CLIC5: variants seen among roughly 807,000 people sequenced by gnomAD.
CLIC5 encodes the protein chloride intracellular channel protein 5.
A neutral mutation model predicts 24.7 loss-of-function variants in CLIC5; 20 were observed. That is an observed-to-expected ratio of 0.81 (90% CI 0.57 to 1.18). The LOEUF (loss-of-function observed/expected upper bound fraction) is 1.18. Among genes scored for constraint, CLIC5 ranks in the 50% most tolerant of loss-of-function variants. CLIC5 has a pLI of 0.00. For missense variants in CLIC5, 341 were observed against 326.1 expected (o/e 1.05, Z -0.35); for synonymous variants, 159 against 135.6 (o/e 1.17, Z -1.20).
chr6:46,117,209 A>C, the CLIC5 span, among the ~76,000 whole-genome samples: 1 of 152,074 alleles, frequency 6.6e-6, no homozygotes, highest in South Asian at 2.1e-4. Context: ...GTACTCCACC[A>C]TGTAACACAC....
intron 1 of CLIC5, among the ~76,000 whole-genome samples, chr6:45,979,994 C>A (rs1443700345): frequency 9.7e-6 from 1 of 102,732 alleles, no homozygotes; most frequent in African/African-American, 3.9e-5. Context: ...TCTAGAATGG[C>A]ATTTCCTAGG....
the CLIC5 span, among the ~76,000 whole-genome samples, chr6:46,096,683 C>T: frequency 6.6e-6 from 1 of 152,198 alleles, no homozygotes; most frequent in Non-Finnish European, 1.5e-5. Flanking sequence ...GCTTCTGGTC[C>T]TGCCTTGAGT....
the CLIC5 span, among the ~76,000 whole-genome samples, chr6:46,119,745 C>A: frequency 1.5e-4 from 23 of 152,344 alleles, no homozygotes; most frequent in African/African-American, 5.3e-4. Context: ...TAATACTGCA[C>A]TTTTCTAATG....
intron 1 of CLIC5, among the ~76,000 whole-genome samples, chr6:46,031,860 T>TAC (rs1325567438): frequency 6.8e-6 from 1 of 147,578 alleles, no homozygotes; most frequent in East Asian, 2.0e-4. Flanking sequence ...AATATATATA[T>TAC]ACACATATAT....
intron 1 of CLIC5, among the ~76,000 whole-genome samples, chr6:46,025,093 G>A (rs1313287709): frequency 2.0e-5 from 3 of 151,956 alleles, no homozygotes; most frequent in Non-Finnish European, 4.4e-5. Flanking sequence ...GCACTAGACT[G>A]AGATCCAGAA....
intron 1 of CLIC5, among the ~76,000 whole-genome samples, chr6:46,025,992 T>C (rs1767321361): frequency 6.6e-6 from 1 of 152,176 alleles, no homozygotes; most frequent in Non-Finnish European, 1.5e-5. Flanking sequence ...CAATTAAACC[T>C]CTTTTCTTTA....
At position 45,899,783 on chromosome 6, in the gene CLIC5, A is replaced by G. The variant is rs1762463356; in HGVS notation, c.*3305T>C. The G allele has an allele frequency of 6.6e-6, 1 of 152,192 alleles. No homozygotes were observed. The highest frequency in any genetic ancestry group is 1.5e-5 in the Non-Finnish European group (1 of 68,050). 9.4% of individuals were successfully genotyped at this position (152,192 alleles called of 1,614,324 possible). A position where few individuals can be genotyped will look rare whatever the true frequency, so the allele number is the denominator to read the frequency against. On this transcript the variant is annotated 3_prime_UTR_variant, in exon 6 of 6. Transcript: ENST00000339561. ...CTTGGTGTGGCCTTTTTCTGATAAG[A>G]TCAAGACTTCACTGGCCCCACCAGC...
intron 1 of CLIC5, among the ~76,000 whole-genome samples, chr6:45,988,352 A>T (rs1765813708): frequency 6.6e-6 from 1 of 152,192 alleles, no homozygotes; most frequent in Non-Finnish European, 1.5e-5. Context: ...TTCTGCCCCC[A>T]TGACTCTGCC....
chr6:45,991,582 T>A (rs573583273), intron 1 of CLIC5, among the ~76,000 whole-genome samples: 13 of 152,344 alleles, frequency 8.5e-5, no homozygotes, highest in African/African-American at 3.1e-4. Context: ...ACTGCTAAAT[T>A]TGTGGTAAGT....
chr6:45,913,831 T>C (rs1762909506), intron 5 of CLIC5: 3 of 1,230,962 alleles, frequency 2.4e-6, no homozygotes. Flanking sequence ...AAAGAAAAAA[T>C]GCATATGAGG....
At chr6:45,894,693 G>A (rs555017739), downstream of CLIC5, among the ~76,000 whole-genome samples, 8 of 152,302 alleles carry the variant, frequency 5.3e-5, no homozygotes, top group African/African-American at 1.9e-4. Context: ...ACATCAGAAG[G>A]GAAGGATATT....
intron 1 of CLIC5, among the ~76,000 whole-genome samples, chr6:46,062,790 G>A (rs1762324241): frequency 6.6e-6 from 1 of 152,174 alleles, no homozygotes; most frequent in African/African-American, 2.4e-5. Context: ...GCTGAGTATT[G>A]GAAGGTAGCT....
chr6:46,084,914 T>A (rs1762999222), upstream of CLIC5, among the ~76,000 whole-genome samples: 4 of 152,240 alleles, frequency 2.6e-5, no homozygotes, highest in Admixed American at 2.6e-4. Context: ...GGTACACCAA[T>A]CAGATGCAGA....
chr6:45,998,160 A>G (rs1465256674), intron 1 of CLIC5, among the ~76,000 whole-genome samples: 3 of 152,174 alleles, frequency 2.0e-5, no homozygotes, highest in African/African-American at 7.2e-5. Context: ...GGTATGCAAA[A>G]TTGGTTTGGA....
intron 1 of CLIC5, among the ~76,000 whole-genome samples, chr6:45,997,979 G>A (rs1766211977): frequency 6.6e-6 from 1 of 152,226 alleles, no homozygotes; most frequent in Non-Finnish European, 1.5e-5. Context: ...CAAGTGCCTT[G>A]ATCAAGGGTG....
chr6:46,105,630 C>T, the CLIC5 span, among the ~76,000 whole-genome samples: 5 of 152,154 alleles, frequency 3.3e-5, no homozygotes, highest in Non-Finnish European at 4.4e-5. Context: ...AAAAAGGTGC[C>T]ACTCACCCCC....
At chr6:45,949,660 G>C (rs1764406337) in intron 2 of CLIC5, among the ~76,000 whole-genome samples, 1 of 152,158 alleles carries the variant, frequency 6.6e-6, no homozygotes, top group Admixed American at 6.5e-5. Context: ...AGAGAATCCA[G>C]GTGACTATCT....
chr6:46,029,047 T>G (rs763380283), intron 1 of CLIC5, among the ~76,000 whole-genome samples: 1 of 152,180 alleles, frequency 6.6e-6, no homozygotes, highest in Admixed American at 6.5e-5. Context: ...CAGAATGTCA[T>G]GTAGTTGAAA....
At chr6:45,958,445 T>TATACACACACACACACACAC (rs1554151294) in intron 1 of CLIC5, among the ~76,000 whole-genome samples, 2 of 76,466 alleles carry the variant, frequency 2.6e-5, no homozygotes, top group Admixed American at 1.3e-4. Context: ...TATATATATA[T>TATACACACACACACACACAC]ATATATATAT....
Sources: gnomAD v4.1 joint callset for allele counts (sites outside exome capture counted in the v4.1 genomes callset) on GRCh38, gnomAD v4.1.1 for gene constraint, MANE v1.5 for transcripts, NCBI Gene and HGNC (gene_info 2026-07-23, HGNC 2026-07-21) for gene names.